GATAD2B: variants seen among roughly 807,000 people sequenced by gnomAD.
The protein encoded by GATAD2B is GATA zinc finger domain containing 2B, also known as transcriptional repressor p66-beta.
In GATAD2B, 8 loss-of-function variants were observed where a neutral mutation model predicts 64.3. The ratio of observed to expected loss-of-function variants is 0.12; its 90% confidence interval spans 0.07 to 0.22. GATAD2B has a LOEUF of 0.22. Ranked by LOEUF, GATAD2B falls within the 10% of genes least tolerant of loss-of-function variation. GATAD2B has a pLI of 1.00. For missense variants in GATAD2B, 453 were observed against 752.0 expected, an observed-to-expected ratio of 0.60 and a Z score of 4.65; for synonymous variants, 281 against 271.3, an observed-to-expected ratio of 1.04 and a Z score of -0.35.
At chr1:153,883,473 C>T (rs960183754) in intron 1 of GATAD2B, among the ~76,000 whole-genome samples, 3 of 152,184 alleles carry the variant, frequency 2.0e-5, no homozygotes, top group African/African-American at 4.8e-5. Context: ...GTATCCAGAT[C>T]TAGACACTGC....
chr1:153,870,643 A>C (rs1448179126), intron 1 of GATAD2B, among the ~76,000 whole-genome samples: 1 of 152,164 alleles, frequency 6.6e-6, no homozygotes, highest in African/African-American at 2.4e-5. Context: ...TGTCAAATGC[A>C]GTCAAAACTT....
chr1:153,903,645 T>C (rs1464007990), intron 1 of GATAD2B, among the ~76,000 whole-genome samples: 4 of 152,204 alleles, frequency 2.6e-5, no homozygotes, highest in Non-Finnish European at 5.9e-5. Flanking sequence ...TATTACAATA[T>C]ACCTAAATAC....
At chr1:153,824,352 A>G (rs747749418) in intron 2 of GATAD2B, among the ~76,000 whole-genome samples, 7 of 152,156 alleles carry the variant, frequency 4.6e-5, no homozygotes, top group Non-Finnish European at 1.0e-4. Flanking sequence ...GGGTTTGGCT[A>G]GGTGTGGTGG....
intron 1 of GATAD2B, among the ~76,000 whole-genome samples, chr1:153,898,316 AAAAAAAAG>A (rs1270311119): frequency 1.5e-4 from 23 of 149,888 alleles, no homozygotes; most frequent in African/African-American, 3.0e-4. Flanking sequence ...CAAAAAAAAA[AAAAAAAAG>A]AAAAAAAGAA....
intron 1 of GATAD2B, among the ~76,000 whole-genome samples, chr1:153,858,219 A>G (rs1298786116): frequency 2.0e-5 from 3 of 152,156 alleles, no homozygotes; most frequent in Non-Finnish European, 4.4e-5. Context: ...TTCTCTTCTT[A>G]TAGTCCATAT....
chr1:153,846,373 C>T (rs1465644003), intron 1 of GATAD2B, among the ~76,000 whole-genome samples: 1 of 151,942 alleles, frequency 6.6e-6, no homozygotes, highest in Non-Finnish European at 1.5e-5. Flanking sequence ...GCTGGGATTA[C>T]AGGTGTGTGC....
chr1:153,912,203 C>A (rs1463655467), intron 1 of GATAD2B, among the ~76,000 whole-genome samples: 1 of 152,002 alleles, frequency 6.6e-6, no homozygotes, highest in African/African-American at 2.4e-5. Context: ...AAGGGTGGTA[C>A]CTATATATGT....
At position 153,812,075 on chromosome 1, in the gene GATAD2B, C is replaced by G; in HGVS notation, c.1477G>C (p.Val493Leu). The change falls in exon 9 of 11, where the codon GTG becomes CTG. Residue 493 changes from valine (V) to leucine (L), a missense_variant. Coordinates refer to ENST00000368655, the MANE Select transcript of GATAD2B (RefSeq NM_020699.4). The stretch of plus-strand genomic sequence containing the variant: ...GTCTCTTGTTTACTGACACTGGACA[C>G]AGCTGGAGCCGTAGTGGGGGAGAGG... ...AALSPTTAPA[V>L]SSVSKQETIM... The G allele has an allele frequency of 6.2e-7, 1 of 1,613,410 alleles. No individual in the cohort carries two copies. The highest frequency in any genetic ancestry group is 8.5e-7 in the Non-Finnish European group (1 of 1,179,588).
intron 1 of GATAD2B, among the ~76,000 whole-genome samples, chr1:153,893,871 T>A (rs1208318797): frequency 7.0e-6 from 1 of 142,926 alleles, no homozygotes; most frequent in Non-Finnish European, 1.5e-5. Flanking sequence ...GACGGGAGAA[T>A]CGCTTGAACC....
At chr1:153,904,412 AG>A (rs1677866194) in intron 1 of GATAD2B, among the ~76,000 whole-genome samples, 1 of 151,746 alleles carries the variant, frequency 6.6e-6, no homozygotes, top group Non-Finnish European at 1.5e-5. Flanking sequence ...GACAGTGACA[AG>A]AAAGTTTTCA....
At chr1:153,897,927 C>T (rs921469162) in intron 1 of GATAD2B, among the ~76,000 whole-genome samples, 7 of 149,220 alleles carry the variant, frequency 4.7e-5, no homozygotes, top group Non-Finnish European at 8.9e-5. Flanking sequence ...GAACGGATGG[C>T]TTGAAGCTAG....
chr1:153,889,169 G>C (rs1331732923), intron 1 of GATAD2B, among the ~76,000 whole-genome samples: 2 of 151,874 alleles, frequency 1.3e-5, no homozygotes, highest in Non-Finnish European at 2.9e-5. Flanking sequence ...AAAATAGAAT[G>C]TATCAGGCCG....
intron 1 of GATAD2B, among the ~76,000 whole-genome samples, chr1:153,864,224 G>A (rs1274069370): frequency 6.6e-6 from 1 of 152,158 alleles, no homozygotes; most frequent in Admixed American, 6.6e-5. Context: ...CACTCCAAAA[G>A]GAAGACAAGT....
At chr1:153,862,013 T>C (rs933866244) in intron 1 of GATAD2B, among the ~76,000 whole-genome samples, 1 of 150,726 alleles carries the variant, frequency 6.6e-6, no homozygotes, top group African/African-American at 2.4e-5. Context: ...CCCTGCCATG[T>C]ATCTCTATAT....
At chr1:153,821,977 T>C (rs1043371893) in intron 2 of GATAD2B, among the ~76,000 whole-genome samples, 75 of 151,618 alleles carry the variant, frequency 4.9e-4, no homozygotes, top group Admixed American at 1.1e-3. Context: ...GGCCAAAAGT[T>C]TGAGACCAGC....
intron 1 of GATAD2B, 107 bp from the exon 2 acceptor site, chr1:153,828,455 TACACACACAC>T (rs71093290): frequency 0.044 from 24,131 of 554,384 alleles, 3 homozygotes; most frequent in Non-Finnish European, 0.056. Flanking sequence ...CTCTCACACA[TACACACACAC>T]ACACACACAC....
At chr1:153,839,997 A>G (rs1156979995) in intron 1 of GATAD2B, among the ~76,000 whole-genome samples, 2 of 151,648 alleles carry the variant, frequency 1.3e-5, no homozygotes, top group Non-Finnish European at 2.9e-5. Flanking sequence ...TTTTGGTTTT[A>G]AAATCCTAAG....
chr1:153,901,857 T>TAAATAAAATA (rs1553198703), intron 1 of GATAD2B, among the ~76,000 whole-genome samples: 1 of 146,482 alleles, frequency 6.8e-6, no homozygotes, highest in East Asian at 2.0e-4. Flanking sequence ...ATAAATAAAT[T>TAAATAAAATA]AAATAAAATG....
intron 1 of GATAD2B, among the ~76,000 whole-genome samples, chr1:153,884,360 C>G (rs978422470): frequency 5.3e-5 from 8 of 152,126 alleles, no homozygotes; most frequent in Non-Finnish European, 1.2e-4. Flanking sequence ...GGAGAATGGC[C>G]TGAACCCGGG....
Sources: allele counts gnomAD v4.1 joint callset (sites outside exome capture counted in the v4.1 genomes callset), GRCh38; gene constraint gnomAD v4.1.1; transcripts MANE v1.5; gene names NCBI Gene and HGNC (gene_info 2026-07-23, HGNC 2026-07-21).